The following SGK3 variants were observed in gnomAD, a reference collection of about 807,000 sequenced individuals.
SGK3 encodes serine/threonine-protein kinase Sgk3.
A neutral mutation model predicts 68.5 loss-of-function variants in SGK3; 47 were observed. The ratio of observed to expected loss-of-function variants is 0.69; its 90% CI spans 0.54 to 0.87. SGK3 has a LOEUF of 0.87. SGK3 is among the 40% of genes least tolerant of loss of function. SGK3 has a pLI of 0.00. For synonymous variants in SGK3, 181 were observed against 189.1 expected (o/e 0.96, Z 0.35); for missense variants, 479 against 575.5 (o/e 0.83, Z 1.72).
At chr8:66,804,593 G>C (rs1180531974) in intron 4 of SGK3, 146 bp downstream of exon 4, 13 of 794,742 alleles carry the variant, frequency 1.6e-5, no homozygotes, top group Non-Finnish European at 2.3e-5. Context: ...GGTGCTTACT[G>C]TCTACTAGGC....
intron 1 of SGK3, among the ~76,000 whole-genome samples, chr8:66,769,792 G>C (rs979417646): frequency 6.6e-6 from 1 of 151,818 alleles, no homozygotes; most frequent in Non-Finnish European, 1.5e-5. Flanking sequence ...AGCTGGTCTT[G>C]AACTCCTGAA....
At position 66,796,321 on chromosome 8, in the gene SGK3, A is replaced by ATTTTTTTTTTTTTTT. The variant is rs71249408; in HGVS notation, c.97-2204_97-2190dup. Among the ~76,000 whole-genome samples, 5 of 41,360 alleles carry ATTTTTTTTTTTTTTT rather than the reference A, an allele frequency of 1.2e-4. 1 individual carries two copies. The highest frequency in any genetic ancestry group is 2.2e-3 in the East Asian group (2 of 892). 27.1% of individuals were successfully genotyped at this position (41,360 alleles called of 152,430 possible). A position where few individuals can be genotyped will look rare whatever the true frequency, so the allele number is the denominator to read the frequency against. ...CCAGCTAATTTTTTGTATTTTTTGT[A>ATTTTTTTTTTTTTTT]TTTTTTTTTTTTTTTTTTTTTTTTT... On this transcript the variant is annotated intron_variant, in intron 2 of 16. Transcript: ENST00000521198.
intron 4 of SGK3, among the ~76,000 whole-genome samples, chr8:66,806,814 GAAAAA>G (rs71249409): frequency 1.2e-5 from 1 of 84,634 alleles, no homozygotes; most frequent in Non-Finnish European, 2.4e-5. Flanking sequence ...ACTCTGTCTC[GAAAAA>G]AAAAAAAAAA....
intron 1 of SGK3, among the ~76,000 whole-genome samples, chr8:66,742,608 C>T (rs1020885171): frequency 6.6e-6 from 1 of 152,034 alleles, no homozygotes; most frequent in African/African-American, 2.4e-5. Flanking sequence ...TGTAAGTGAC[C>T]CTCCCACCTC....
chr8:66,747,280 TG>T (rs1233758627), intron 1 of SGK3, among the ~76,000 whole-genome samples: 3 of 152,194 alleles, frequency 2.0e-5, no homozygotes, highest in African/African-American at 7.2e-5. Context: ...CTCATTTTAA[TG>T]GTTTTGTTGT....
At chr8:66,790,911 A>G (rs1807425417) in intron 1 of SGK3, 2 of 152,184 alleles carry the variant, frequency 1.3e-5, no homozygotes, top group Non-Finnish European at 2.9e-5. Context: ...TCAAATACAC[A>G]TTCCATTTTT....
chr8:66,782,536 A>G (rs1181141378), intron 1 of SGK3, among the ~76,000 whole-genome samples: 1 of 152,148 alleles, frequency 6.6e-6, no homozygotes, highest in Non-Finnish European at 1.5e-5. Flanking sequence ...GGTGTTGTAC[A>G]TTCTGTGGGT....
chr8:66,851,847 A>G (rs1336804693), intron 16 of SGK3, among the ~76,000 whole-genome samples: 1 of 152,202 alleles, frequency 6.6e-6, no homozygotes, highest in Non-Finnish European at 1.5e-5. Context: ...CTTCCTTTGT[A>G]TAGGGATATA....
At chr8:66,832,928 T>C (rs934031010) in intron 8 of SGK3, among the ~76,000 whole-genome samples, 48 of 151,830 alleles carry the variant, frequency 3.2e-4, no homozygotes, top group African/African-American at 1.1e-3. Context: ...TTTTGCCATC[T>C]GATGGGCCAC....
chr8:66,759,877 G>A (rs1313003035), intron 1 of SGK3, among the ~76,000 whole-genome samples: 1 of 151,962 alleles, frequency 6.6e-6, no homozygotes, highest in Non-Finnish European at 1.5e-5. Context: ...GAGCCACCAC[G>A]CCCAGCCCCT....
intron 5 of SGK3, among the ~76,000 whole-genome samples, chr8:66,821,459 T>TA (rs1449283363): frequency 6.6e-6 from 1 of 152,110 alleles, no homozygotes; most frequent in Non-Finnish European, 1.5e-5. Flanking sequence ...AACTTACTGT[T>TA]ACAGAAAATG....
At chr8:66,849,229 C>T (rs183698401) in intron 15 of SGK3, among the ~76,000 whole-genome samples, 1 of 152,318 alleles carries the variant, frequency 6.6e-6, no homozygotes, top group Non-Finnish European at 1.5e-5. Flanking sequence ...TCTAGACTTA[C>T]ATAGTATCTG....
At chr8:66,736,914 C>T (rs752315313) in intron 1 of SGK3, among the ~76,000 whole-genome samples, 13 of 151,912 alleles carry the variant, frequency 8.6e-5, no homozygotes, top group African/African-American at 1.2e-4. Flanking sequence ...CCACCGTGCC[C>T]GGCCCACCCA....
At chr8:66,804,343 A>G (rs757968598) in intron 3 of SGK3, 32 bp from the exon 4 acceptor site, 6 of 1,562,968 alleles carry the variant, frequency 3.8e-6, no homozygotes, top group Non-Finnish European at 5.2e-6. Context: ...TTATAAAATT[A>G]GTTCATATAA....
At chr8:66,818,570 C>T (rs1198601695) in intron 5 of SGK3, among the ~76,000 whole-genome samples, 1 of 152,162 alleles carries the variant, frequency 6.6e-6, no homozygotes, top group Non-Finnish European at 1.5e-5. Context: ...CTCTTTCAAT[C>T]TCTGTTTCTT....
At chr8:66,797,460 C>G (rs1807745668) in intron 2 of SGK3, among the ~76,000 whole-genome samples, 1 of 152,130 alleles carries the variant, frequency 6.6e-6, no homozygotes, top group Admixed American at 6.5e-5. Flanking sequence ...AACCAGATTC[C>G]TTCTCGGTTA....
chr8:66,850,708 C>T (rs1810246482), intron 15 of SGK3, 123 bp from the exon 16 acceptor site: 1 of 851,046 alleles, frequency 1.2e-6, no homozygotes, highest in Non-Finnish European at 1.8e-6. Flanking sequence ...AAATAACATA[C>T]ACATGTTCCT....
intron 16 of SGK3, among the ~76,000 whole-genome samples, chr8:66,854,818 T>C (rs1321796741): frequency 6.6e-6 from 1 of 152,166 alleles, no homozygotes; most frequent in African/African-American, 2.4e-5. Context: ...GTCCTTGATA[T>C]GCATTGCCTT....
At chr8:66,846,298 A>AT (rs1457447379) in intron 14 of SGK3, among the ~76,000 whole-genome samples, 6 of 151,700 alleles carry the variant, frequency 4.0e-5, no homozygotes, top group East Asian at 1.9e-4. Context: ...TGTACAGCTC[A>AT]TTTTTTTTCT....
Sources: gnomAD v4.1 joint callset for allele counts (sites outside exome capture counted in the v4.1 genomes callset) on GRCh38, gnomAD v4.1.1 for gene constraint, MANE v1.5 for transcripts, NCBI Gene and HGNC (gene_info 2026-07-23, HGNC 2026-07-21) for gene names.